KCNG2: variants seen among roughly 807,000 people sequenced by gnomAD.
KCNG2 encodes the protein voltage-gated potassium channel regulatory subunit KCNG2.
KCNG2 carries 7 observed loss-of-function variants against 12.3 expected under a neutral mutation model. The observed-to-expected ratio is 0.57, with a 90% confidence interval of 0.32 to 1.07. The LOEUF is 1.07. KCNG2 is among the 50% of genes least tolerant of loss of function. The probability of loss-of-function intolerance (pLI) is 0.04; values close to 1 mark genes in which losing one functional copy is unlikely to be tolerated. For missense variants in KCNG2, 703 were observed against 726.0 expected, an observed-to-expected ratio of 0.97 and a Z score of 0.36; for synonymous variants, 414 against 351.4, an observed-to-expected ratio of 1.18 and a Z score of -1.99.
intron 1 of KCNG2, among the ~76,000 whole-genome samples, chr18:79,851,542 T>C (rs924636494): frequency 7.2e-5 from 11 of 152,210 alleles, no homozygotes; most frequent in African/African-American, 2.4e-4. Context: ...CTGCAGATAC[T>C]ACCCTTGATC....
intron 3 of KCNG2, among the ~76,000 whole-genome samples, chr18:79,871,716 G>A (rs1310814078): frequency 1.3e-5 from 2 of 152,202 alleles, no homozygotes; most frequent in African/African-American, 4.8e-5. Context: ...ATGACGCCTT[G>A]GCAGAGCCTC....
chr18:79,870,425 C>T (rs1427012995), intron 3 of KCNG2, among the ~76,000 whole-genome samples: 1 of 152,090 alleles, frequency 6.6e-6, no homozygotes, highest in African/African-American at 2.4e-5. Flanking sequence ...TGACGCCCAC[C>T]GTGAGGATCC....
At chr18:79,891,090 C>T (rs191039970) in intron 3 of KCNG2, among the ~76,000 whole-genome samples, 14 of 152,212 alleles carry the variant, frequency 9.2e-5, no homozygotes, top group Non-Finnish European at 1.5e-4. Flanking sequence ...TTCCTTCCCC[C>T]ACCTGCTTTA....
At chr18:79,865,319 G>T (rs1225182782) in intron 3 of KCNG2, among the ~76,000 whole-genome samples, 34 of 86,868 alleles carry the variant, frequency 3.9e-4, no homozygotes, top group East Asian at 1.4e-3. Flanking sequence ...CTGAGGTCTG[G>T]GTGCTGAGAG....
intron 2 of KCNG2, among the ~76,000 whole-genome samples, chr18:79,859,193 G>A (rs1979128083): frequency 6.6e-6 from 1 of 152,174 alleles, no homozygotes; most frequent in Admixed American, 6.5e-5. Flanking sequence ...GTGTTTTGGA[G>A]TTTTAGCTCT....
chr18:79,844,993 A>G (rs1394300911), intron 1 of KCNG2, among the ~76,000 whole-genome samples: 1 of 152,236 alleles, frequency 6.6e-6, no homozygotes, highest in East Asian at 1.9e-4. Flanking sequence ...CACTGTGTTC[A>G]TAATAGCCAA....
chr18:79,804,572 C>G (rs757950315), intron 1 of KCNG2, among the ~76,000 whole-genome samples: 1 of 152,210 alleles, frequency 6.6e-6, no homozygotes, highest in Middle Eastern at 3.2e-3. Context: ...GCTGACGCAC[C>G]GCTGCTTCCT....
chr18:79,894,210 G>C (rs1201323772), intron 3 of KCNG2, among the ~76,000 whole-genome samples: 1 of 151,942 alleles, frequency 6.6e-6, no homozygotes, highest in African/African-American at 2.4e-5. Flanking sequence ...TTTTGATTGA[G>C]TTCTTCACTC....
At chr18:79,875,740 TG>T (rs1980044478) in intron 3 of KCNG2, 2 of 152,558 alleles carry the variant, frequency 1.3e-5, no homozygotes, top group African/African-American at 2.4e-5. Flanking sequence ...CTCTGCCTGC[TG>T]GGGGGCCTGG....
chr18:79,897,996 G>C (rs2123137991), intron 3 of KCNG2, among the ~76,000 whole-genome samples: 1 of 152,190 alleles, frequency 6.6e-6, no homozygotes, highest in East Asian at 1.9e-4. Context: ...GCCTGACATT[G>C]CTCTGACCCC....
chr18:79,839,992 C>T (rs1978411405), intron 1 of KCNG2, among the ~76,000 whole-genome samples: 1 of 152,196 alleles, frequency 6.6e-6, no homozygotes, highest in Non-Finnish European at 1.5e-5. Flanking sequence ...AGAGTATCTA[C>T]AAAAACCTTA....
At chr18:79,877,576 G>A (rs567545453) in intron 3 of KCNG2, among the ~76,000 whole-genome samples, 2 of 150,960 alleles carry the variant, frequency 1.3e-5, no homozygotes, top group Admixed American at 6.6e-5. Context: ...TCACACCTCC[G>A]CCCCCCCCGA....
intron 1 of KCNG2, among the ~76,000 whole-genome samples, chr18:79,836,053 AC>A (rs1335135998): frequency 6.6e-6 from 1 of 152,242 alleles, no homozygotes; most frequent in African/African-American, 2.4e-5. Context: ...AATTGTGTAA[AC>A]AAAACAAAAA....
intron 1 of KCNG2, among the ~76,000 whole-genome samples, chr18:79,806,465 G>A (rs1264954955): frequency 1.3e-5 from 2 of 152,194 alleles, no homozygotes; most frequent in African/African-American, 4.8e-5. Flanking sequence ...CATGGCCTGC[G>A]ACATGGTCTC....
chr18:79,854,177 G>C (rs1479121294), intron 1 of KCNG2, among the ~76,000 whole-genome samples: 2 of 152,242 alleles, frequency 1.3e-5, no homozygotes, highest in Non-Finnish European at 2.9e-5. Context: ...AGGAGGAGCA[G>C]AGCCCGGCCT....
At chr18:79,820,163 G>A (rs1236088060) in intron 1 of KCNG2, among the ~76,000 whole-genome samples, 1 of 152,232 alleles carries the variant, frequency 6.6e-6, no homozygotes, top group African/African-American at 2.4e-5. Context: ...TTTGGCTAAT[G>A]GGACTGATGC....
chr18:79,879,655 C>T (rs1443784702), intron 3 of KCNG2, among the ~76,000 whole-genome samples: 2 of 152,168 alleles, frequency 1.3e-5, no homozygotes, highest in Non-Finnish European at 2.9e-5. Flanking sequence ...CCAGAAGTCC[C>T]GCTCTGGCCT....
intron 1 of KCNG2, among the ~76,000 whole-genome samples, chr18:79,837,047 A>G (rs969705721): frequency 1.3e-5 from 2 of 152,218 alleles, no homozygotes; most frequent in Non-Finnish European, 2.9e-5. Context: ...CCTCCCACCT[A>G]TGAACCTGTA....
At chr18:79,897,242 T>C (rs529301194) in intron 3 of KCNG2, among the ~76,000 whole-genome samples, 2 of 152,340 alleles carry the variant, frequency 1.3e-5, no homozygotes, top group African/African-American at 4.8e-5. Context: ...CCACACTTCC[T>C]AAAGCGCTGT....
Sources: gnomAD v4.1 joint callset for allele counts (sites outside exome capture counted in the v4.1 genomes callset) on GRCh38, gnomAD v4.1.1 for gene constraint, MANE v1.5 for transcripts, NCBI Gene and HGNC (gene_info 2026-07-23, HGNC 2026-07-21) for gene names.